The following MISP3 variants were observed in gnomAD, a reference collection of about 807,000 sequenced individuals.
The protein encoded by MISP3 is MISP family member 3, also known as uncharacterized protein MISP3.
In MISP3, 9 loss-of-function variants were observed where a neutral mutation model predicts 5.5. That is an observed-to-expected ratio of 1.65 (90% confidence interval 0.99 to 2.87). The LOEUF (loss-of-function observed/expected upper bound fraction) is 2.87. Among genes scored for constraint, MISP3 ranks in the 30% most tolerant of loss-of-function variants. MISP3 has a pLI of 0.00. For missense variants in MISP3, 152 were observed against 84.1 expected (o/e 1.81, Z -3.16); for synonymous variants, 87 against 38.1 (o/e 2.28, Z -4.73).
In MISP3 at chr19:14,073,462, G is replaced by T; in HGVS notation, c.153G>T (p.Ala51=). ...PVLNLPGPGP[A]LPRALERARA... ...TCAACCTGCCGGGTCCTGGCCCCGC[G>T]CTCCCGCGCGCCCTGGAGCGGGCGC... is the stretch of plus-strand genomic sequence containing the variant. The change falls in exon 1 of 3, where the codon GCG becomes GCT. Residue 51 remains alanine (A), a synonymous_variant. Coordinates refer to ENST00000587086, the MANE Select transcript of MISP3 (RefSeq NM_001291291.2). The surrounding 1 kb of genome is among the most constrained non-coding windows in gnomAD (Gnocchi z 8.5). 1 of 510,416 alleles carries T rather than the reference G, an allele frequency of 2.0e-6. No homozygotes were observed. Among genetic ancestry groups the T allele is most frequent in the Non-Finnish European group, 3.4e-6 (1 of 294,078 alleles). The allele number at this position is 510,416 out of a possible 1,614,324, so 31.6% of individuals were successfully genotyped here.
chr19:14,073,309 C>CCCCCGGAGG lies in MISP3; in HGVS notation c.-1_1insCCCCGGAGG, dbSNP rs1242125093. 1 of 696,868 alleles carries CCCCCGGAGG rather than the reference C, an allele frequency of 1.4e-6. No homozygotes were observed. The highest frequency in any genetic ancestry group is 1.8e-5 in the African/African-American group (1 of 57,022). 43.2% of individuals were successfully genotyped at this position (696,868 alleles called of 1,614,324 possible). ...CCCAGCGTCCCCCGGAGGAGCGGTT[C>CCCCCGGAGG]ATGGAGACGCCCATCGAGCGCGAAA... On this transcript the variant is annotated 5_prime_UTR_variant, in exon 1 of 3. Transcript: ENST00000587086. This position sits in a 1 kb window ranked among gnomAD's most constrained non-coding sequence, Gnocchi z 8.5.
rs908518646 is a variant in MISP3, at chr19:14,074,398, G to A, written c.577G>A (p.Gly193Ser). 4 of 702,724 alleles carry A rather than the reference G, an allele frequency of 5.7e-6. No homozygotes were observed. The African/African-American group carries it at 7.0e-5, about 12-fold the overall frequency. The allele number at this position is 702,724 out of a possible 1,614,324, so 43.5% of individuals were successfully genotyped here. A position where few individuals can be genotyped will look rare whatever the true frequency, so the allele number is the denominator to read the frequency against. ...EPTPSLTASR[G>S]DGKLVVIWPP... ...CGCCCCTTCCCCCGCAGCGAGCAGG[G>A]GCGACGGAAAGTTGGTGGTGATCTG... is the stretch of plus-strand genomic sequence containing the variant. Residue 193 changes from glycine to serine, a missense_variant, in exon 2 of 3, where the codon GGC (glycine) becomes AGC (serine). Transcript: ENST00000587086. This position sits in a 1 kb window ranked among gnomAD's most constrained non-coding sequence, Gnocchi z 4.4.
At position 14,074,885 on chromosome 19, in the gene MISP3, T is replaced by C; in HGVS notation, c.*162T>C. On this transcript the variant is annotated 3_prime_UTR_variant, in exon 3 of 3. Transcript: ENST00000587086. The surrounding 1 kb of genome is among the most constrained non-coding windows in gnomAD (Gnocchi z 4.4). ...ATTGACCAGCCCCCTCTATAAAACT[T>C]ACAGTCCCCCATTGGGAAACTGACC... 1.6e-6 allele frequency: 1 copy of C among 615,944 alleles called. No homozygotes were observed. Among genetic ancestry groups the C allele is most frequent in the East Asian group, 2.8e-5 (1 of 35,928 alleles). The allele number at this position is 615,944 out of a possible 1,614,324, so 38.2% of individuals were successfully genotyped here.
Position 14,074,087 on chromosome 19 carries a change from C to A in MISP3, c.568+210C>A. ...ACCCCTCCACCGGGAGTGATGGACT[C>A]TCTGATCCACACCACCCAGGCTGCG... On this transcript the variant is annotated intron_variant, in intron 1 of 2. Transcript: ENST00000587086. The surrounding 1 kb of genome is among the most constrained non-coding windows in gnomAD (Gnocchi z 4.4). The A allele has an allele frequency of 1.7e-6, 1 of 597,040 alleles. No individual in the cohort carries two copies. The highest frequency in any genetic ancestry group is 3.0e-6 in the Non-Finnish European group (1 of 335,248). 37.0% of individuals were successfully genotyped at this position (597,040 alleles called of 1,614,324 possible).
At position 14,073,865 on chromosome 19, in the gene MISP3, C is replaced by G; in HGVS notation, c.556C>G (p.Pro186Ala). The G allele has an allele frequency of 1.4e-6, 1 of 701,270 alleles. No individual in the cohort carries two copies. Among genetic ancestry groups the G allele is most frequent in the East Asian group, 2.7e-5 (1 of 37,166 alleles). 43.4% of individuals were successfully genotyped at this position (701,270 alleles called of 1,614,324 possible). Residue 186 changes from proline to alanine, a missense_variant, in exon 1 of 3, where the codon CCG (proline) becomes GCG (alanine). Transcript: ENST00000587086. The surrounding 1 kb of genome is among the most constrained non-coding windows in gnomAD (Gnocchi z 8.5). ...CACCGCGGAGTTCAAGGAGCCTACG[C>G]CGAGCCTCACCGGTAAGCCGCGGGC... ...YGTAEFKEPT[P>A]SLTASRGDGK...
Position 14,074,738 on chromosome 19 carries a change from G to A in MISP3, c.*15G>A. On this transcript the variant is annotated 3_prime_UTR_variant, in exon 3 of 3. Coordinates refer to ENST00000587086, the MANE Select transcript of MISP3 (RefSeq NM_001291291.2). This position sits in a 1 kb window ranked among gnomAD's most constrained non-coding sequence, Gnocchi z 4.4. ...GCAAACCTTGAGGTTTGAAAAGGCTGGGACCCCCGGCCGGAAGTAACGTAC... is the reference window on the plus strand; with the variant it reads ...GCAAACCTTGAGGTTTGAAAAGGCTAGGACCCCCGGCCGGAAGTAACGTAC... 1 of 701,914 alleles carries A rather than the reference G, an allele frequency of 1.4e-6. No individual in the cohort carries two copies. Among genetic ancestry groups the A allele is most frequent in the Non-Finnish European group, 2.6e-6 (1 of 384,090 alleles). The allele number at this position is 701,914 out of a possible 1,614,324, so 43.5% of individuals were successfully genotyped here.
At position 14,073,297 on chromosome 19, in the gene MISP3, G is replaced by A. The variant is rs1380206056; in HGVS notation, c.-13G>A. 7.2e-6 allele frequency: 5 copies of A among 695,194 alleles called. No homozygotes were observed. Among genetic ancestry groups the A allele is most frequent in the Admixed American group, 6.0e-5 (3 of 49,718 alleles). The allele number at this position is 695,194 out of a possible 1,614,324, so 43.1% of individuals were successfully genotyped here. ...GCCCCGAGGCTCCCCAGCGTCCCCC[G>A]GAGGAGCGGTTCATGGAGACGCCCA... is the stretch of plus-strand genomic sequence containing the variant. On this transcript the variant is annotated 5_prime_UTR_variant, in exon 1 of 3. Transcript: ENST00000587086. This position sits in a 1 kb window ranked among gnomAD's most constrained non-coding sequence, Gnocchi z 8.5.
In MISP3 at chr19:14,075,034, C is replaced by G. The variant is rs1212129202; in HGVS notation, c.*311C>G. Reference sequence around the variant, plus strand: ...CGCCTCGATTGCCCCACTCCCCCCACCCCCAATAAAGCCTCTTCTTTCAGG... The same window carrying G: ...CGCCTCGATTGCCCCACTCCCCCCAGCCCCAATAAAGCCTCTTCTTTCAGG... On this transcript the variant is annotated 3_prime_UTR_variant, in exon 3 of 3. Transcript: ENST00000587086. 2.8e-6 allele frequency: 1 copy of G among 358,150 alleles called. No individual in the cohort carries two copies. Among genetic ancestry groups the G allele is most frequent in the African/African-American group, 2.0e-5 (1 of 49,560 alleles). The allele number at this position is 358,150 out of a possible 1,614,324, so 22.2% of individuals were successfully genotyped here. A position where few individuals can be genotyped will look rare whatever the true frequency, so the allele number is the denominator to read the frequency against.
Position 14,074,549 on chromosome 19 carries a change from A to C in MISP3, c.642+86A>C. The C allele has an allele frequency of 1.5e-6, 1 of 681,792 alleles. No homozygotes were observed. Among genetic ancestry groups the C allele is most frequent in the South Asian group, 1.5e-5 (1 of 65,874 alleles). The allele number at this position is 681,792 out of a possible 1,614,324, so 42.2% of individuals were successfully genotyped here. A position where few individuals can be genotyped will look rare whatever the true frequency, so the allele number is the denominator to read the frequency against. ...CAGGACGCTTGGTGGGGAAAAGTGC[A>C]TCCTCCCTGGAGGGCCACTCTGGTC... On this transcript the variant is annotated intron_variant, in intron 2 of 2. Coordinates refer to ENST00000587086, the MANE Select transcript of MISP3 (RefSeq NM_001291291.2). The surrounding 1 kb of genome is among the most constrained non-coding windows in gnomAD (Gnocchi z 4.4).
rs1599318142 is a variant in MISP3, at chr19:14,074,921, A to C, written c.*198A>C. The C allele has an allele frequency of 1.7e-6, 1 of 581,090 alleles. No homozygotes were observed. Among genetic ancestry groups the C allele is most frequent in the Non-Finnish European group, 3.2e-6 (1 of 316,830 alleles). 36.0% of individuals were successfully genotyped at this position (581,090 alleles called of 1,614,324 possible). A position where few individuals can be genotyped will look rare whatever the true frequency, so the allele number is the denominator to read the frequency against. On this transcript the variant is annotated 3_prime_UTR_variant, in exon 3 of 3. Coordinates refer to ENST00000587086, the MANE Select transcript of MISP3 (RefSeq NM_001291291.2). The surrounding 1 kb of genome is among the most constrained non-coding windows in gnomAD (Gnocchi z 4.4). ...ATTGGGAAACTGACCACCACCCACA[A>C]CTCCGCCAGTGAAACTGCCCAGCCC...
At position 14,073,204 on chromosome 19, in the gene MISP3, CCCTCCAGGCCCTAAGACCTCCT is replaced by C. The variant is rs1568514678; in HGVS notation, c.-97_-76del. 9 of 674,174 alleles carry C rather than the reference CCCTCCAGGCCCTAAGACCTCCT, an allele frequency of 1.3e-5. No homozygotes were observed. Among genetic ancestry groups the C allele is most frequent in the Non-Finnish European group, 2.5e-5 (9 of 366,572 alleles). The allele number at this position is 674,174 out of a possible 1,614,324, so 41.8% of individuals were successfully genotyped here. A position where few individuals can be genotyped will look rare whatever the true frequency, so the allele number is the denominator to read the frequency against. On this transcript the variant is annotated 5_prime_UTR_variant, in exon 1 of 3. Coordinates refer to ENST00000587086, the MANE Select transcript of MISP3 (RefSeq NM_001291291.2). The surrounding 1 kb of genome is among the most constrained non-coding windows in gnomAD (Gnocchi z 8.5). ...GGGCGGAGGTCCAGGGGCAGCATCC[CCCTCCAGGCCCTAAGACCTCCT>C]CCTCCAGGTCAGGCTCGGAAGCCCC...
chr19:14,073,296 C>G lies in MISP3; in HGVS notation c.-14C>G. ...TGCCCCGAGGCTCCCCAGCGTCCCC[C>G]GGAGGAGCGGTTCATGGAGACGCCC... On this transcript the variant is annotated 5_prime_UTR_variant, in exon 1 of 3. Transcript: ENST00000587086. The surrounding 1 kb of genome is among the most constrained non-coding windows in gnomAD (Gnocchi z 8.5). The G allele has an allele frequency of 2.9e-6, 2 of 695,140 alleles. No individual in the cohort carries two copies. 43.1% of individuals were successfully genotyped at this position (695,140 alleles called of 1,614,324 possible). A position where few individuals can be genotyped will look rare whatever the true frequency, so the allele number is the denominator to read the frequency against.
rs1375655162 is a variant in MISP3 at position 14,074,371 on chromosome 19, A to C, written c.569-19A>C. ...CTGGCTGCCGCCAGCTGGTGAGCTG[A>C]GCGCCCCTTCCCCCGCAGCGAGCAG... On this transcript the variant is annotated intron_variant, in intron 1 of 2. Coordinates refer to ENST00000587086, the MANE Select transcript of MISP3 (RefSeq NM_001291291.2). This position sits in a 1 kb window ranked among gnomAD's most constrained non-coding sequence, Gnocchi z 4.4. 3 of 701,946 alleles carry C rather than the reference A, an allele frequency of 4.3e-6. No individual in the cohort carries two copies. The Admixed American group carries it at 6.0e-5, about 14-fold the overall frequency. The allele number at this position is 701,946 out of a possible 1,614,324, so 43.5% of individuals were successfully genotyped here.
chr19:14,073,821 A>C lies in MISP3; in HGVS notation c.512A>C (p.Gln171Pro), dbSNP rs1426289043. 5.7e-6 allele frequency: 4 copies of C among 701,720 alleles called. No individual in the cohort carries two copies. The highest frequency in any genetic ancestry group is 3.0e-5 in the South Asian group (2 of 67,578). 43.5% of individuals were successfully genotyped at this position (701,720 alleles called of 1,614,324 possible). ...GAGCGCGAGCAGGAACTGCAGCGCC[A>C]GCGGCGCAGCGTCTATGGCACCGCG... is the stretch of plus-strand genomic sequence containing the variant. ...VREREQELQR[Q>P]RRSVYGTAEF... Residue 171 changes from glutamine to proline, a missense_variant, in exon 1 of 3, where the codon CAG becomes CCG. Transcript: ENST00000587086. This position sits in a 1 kb window ranked among gnomAD's most constrained non-coding sequence, Gnocchi z 8.5.
chr19:14,074,720 T>TCC lies in MISP3; in HGVS notation c.657_658insCC (p.Ter220ProfsTer4). ...TCTGTCCCCAGGAGGAGCGCAAACCTTGAGGTTTGAAAAGGCTGGGACCCC... is the reference window on the plus strand; with the variant it reads ...TCTGTCCCCAGGAGGAGCGCAAACCTCCTGAGGTTTGAAAAGGCTGGGACCCC... On this transcript the variant is annotated frameshift_variant, in exon 3 of 3. Coordinates refer to ENST00000587086, the MANE Select transcript of MISP3 (RefSeq NM_001291291.2). LOFTEE classifies it high-confidence loss of function. The surrounding 1 kb of genome is among the most constrained non-coding windows in gnomAD (Gnocchi z 4.4). 1.4e-6 allele frequency: 1 copy of TCC among 702,096 alleles called. No individual in the cohort carries two copies. Among genetic ancestry groups the TCC allele is most frequent in the South Asian group, 1.5e-5 (1 of 67,582 alleles). The allele number at this position is 702,096 out of a possible 1,614,324, so 43.5% of individuals were successfully genotyped here. A position where few individuals can be genotyped will look rare whatever the true frequency, so the allele number is the denominator to read the frequency against.
rs558846444 is a variant in MISP3 at position 14,073,357 on chromosome 19, G to T, written c.48G>T (p.Glu16Asp). 3,456 of 699,648 alleles carry T rather than the reference G, an allele frequency of 4.9e-3. 23 individuals are homozygous for T. The highest frequency in any genetic ancestry group is 9.6e-3 in the Middle Eastern group (41 of 4,274). 43.3% of individuals were successfully genotyped at this position (699,648 alleles called of 1,614,324 possible). A position where few individuals can be genotyped will look rare whatever the true frequency, so the allele number is the denominator to read the frequency against. Residue 16 changes from glutamate to aspartate, a missense_variant, in exon 1 of 3, where the codon GAG (glutamate) becomes GAT (aspartate). Glu to Asp is a conservative substitution (Grantham distance 45). Transcript: ENST00000587086. The surrounding 1 kb of genome is among the most constrained non-coding windows in gnomAD (Gnocchi z 8.5). Reference sequence around the variant, plus strand: ...AAATCCGCCGCAGCTGCGAACGCGAGGAGAGCCTGCGCCGGAGCCGGGGCC... The same window carrying T: ...AAATCCGCCGCAGCTGCGAACGCGATGAGAGCCTGCGCCGGAGCCGGGGCC... ...EREIRRSCER[E>D]ESLRRSRGLS...
At position 14,074,062 on chromosome 19, in the gene MISP3, A is replaced by C; in HGVS notation, c.568+185A>C. On this transcript the variant is annotated intron_variant, in intron 1 of 2. Coordinates refer to ENST00000587086, the MANE Select transcript of MISP3 (RefSeq NM_001291291.2). This position sits in a 1 kb window ranked among gnomAD's most constrained non-coding sequence, Gnocchi z 4.4. ...GGAGCTCCATTACTCGCTGTGATCC[A>C]CCCCTCCACCGGGAGTGATGGACTC... 1.7e-6 allele frequency: 1 copy of C among 593,844 alleles called. No homozygotes were observed. The highest frequency in any genetic ancestry group is 3.0e-6 in the Non-Finnish European group (1 of 333,696). 36.8% of individuals were successfully genotyped at this position (593,844 alleles called of 1,614,324 possible). A position where few individuals can be genotyped will look rare whatever the true frequency, so the allele number is the denominator to read the frequency against.
chr19:14,074,347 T>C lies in MISP3; in HGVS notation c.569-43T>C. 1.4e-6 allele frequency: 1 copy of C among 701,030 alleles called. No homozygotes were observed. The highest frequency in any genetic ancestry group is 2.6e-6 in the Non-Finnish European group (1 of 384,036). 43.4% of individuals were successfully genotyped at this position (701,030 alleles called of 1,614,324 possible). On this transcript the variant is annotated intron_variant, in intron 1 of 2. Transcript: ENST00000587086. This position sits in a 1 kb window ranked among gnomAD's most constrained non-coding sequence, Gnocchi z 4.4. The stretch of plus-strand genomic sequence containing the variant: ...AAGGGGTGCGGCCGGCCTTTCATCC[T>C]GGCTGCCGCCAGCTGGTGAGCTGAG...
rs1976629690 is a variant in MISP3 at position 14,073,677 on chromosome 19, G to A, written c.368G>A (p.Arg123Lys). 2.1e-6 allele frequency: 1 copy of A among 481,712 alleles called. No homozygotes were observed. The highest frequency in any genetic ancestry group is 3.7e-6 in the Non-Finnish European group (1 of 272,656). 29.8% of individuals were successfully genotyped at this position (481,712 alleles called of 1,614,324 possible). Residue 123 changes from arginine to lysine, a missense_variant, in exon 1 of 3, where the codon AGG becomes AAG. Transcript: ENST00000587086. This position sits in a 1 kb window ranked among gnomAD's most constrained non-coding sequence, Gnocchi z 8.5. ...AGAGDGAGPQ[R>K]LPEPGGRPRS... ...GCGGGGGACGGCGCGGGCCCGCAGA[G>A]GCTGCCAGAGCCTGGGGGACGGCCG...
Sources: allele counts gnomAD v4.1 joint callset, GRCh38; gene constraint gnomAD v4.1.1; non-coding constraint Gnocchi (gnomAD v3.1); transcripts MANE v1.5; gene names NCBI Gene and HGNC (gene_info 2026-07-23, HGNC 2026-07-21).